CHCHD6: variants seen among roughly 807,000 people sequenced by gnomAD.
CHCHD6 encodes coiled-coil-helix-coiled-coil-helix domain containing 6.
CHCHD6 carries 28 observed loss-of-function variants against 32.3 expected under a neutral mutation model. The observed-to-expected ratio is 0.87, with a 90% CI of 0.64 to 1.19. The LOEUF (loss-of-function observed/expected upper bound fraction) is 1.19, where lower values mean the gene tolerates loss of function less well. Among genes scored for constraint, CHCHD6 ranks in the 50% most tolerant of loss-of-function variants. The probability of loss-of-function intolerance (pLI) is 0.00; values close to 1 mark genes in which losing one functional copy is unlikely to be tolerated. For missense variants in CHCHD6, 333 were observed against 307.0 expected, an observed-to-expected ratio of 1.08 and a Z score of -0.63; for synonymous variants, 122 against 117.5, an observed-to-expected ratio of 1.04 and a Z score of -0.25.
chr3:126,779,703 A>G (rs926750626), intron 4 of CHCHD6, among the ~76,000 whole-genome samples: 1 of 152,192 alleles, frequency 6.6e-6, no homozygotes, highest in Non-Finnish European at 1.5e-5. Context: ...TGTTGAAAAG[A>G]CTAGTCTTTC....
intron 5 of CHCHD6, among the ~76,000 whole-genome samples, chr3:126,873,164 G>A (rs1294472917): frequency 6.6e-6 from 1 of 152,224 alleles, no homozygotes. Flanking sequence ...CAAAGAATAA[G>A]TGGAGGCCAT....
At chr3:126,889,887 G>GCA (rs2077732202) in intron 5 of CHCHD6, among the ~76,000 whole-genome samples, 1 of 152,264 alleles carries the variant, frequency 6.6e-6, no homozygotes, top group Non-Finnish European at 1.5e-5. Flanking sequence ...GGAGATGTGA[G>GCA]GGTGGCCCCT....
At chr3:126,736,820 C>T (rs1023167893) in intron 4 of CHCHD6, among the ~76,000 whole-genome samples, 8 of 151,994 alleles carry the variant, frequency 5.3e-5, no homozygotes, top group Admixed American at 5.2e-4. Context: ...AGTAGGAGTC[C>T]AAATCAAACA....
At chr3:126,889,856 C>T (rs1186799705) in intron 5 of CHCHD6, among the ~76,000 whole-genome samples, 2 of 152,260 alleles carry the variant, frequency 1.3e-5, no homozygotes, top group African/African-American at 4.8e-5. Flanking sequence ...CTGACCAGGT[C>T]CGCAGAAAGC....
At chr3:126,935,446 CTGA>C (rs2078466011) in intron 6 of CHCHD6, among the ~76,000 whole-genome samples, 1 of 152,208 alleles carries the variant, frequency 6.6e-6, no homozygotes, top group Non-Finnish European at 1.5e-5. Context: ...AAGTCCCAGG[CTGA>C]TGTTCCATAG....
intron 6 of CHCHD6, among the ~76,000 whole-genome samples, chr3:126,927,481 G>T (rs1048742567): frequency 2.6e-5 from 4 of 152,194 alleles, no homozygotes; most frequent in African/African-American, 9.7e-5. Context: ...AAGGGGAAGG[G>T]CAGCCCCACT....
chr3:126,708,621 G>A (rs1934611301), intron 1 of CHCHD6, among the ~76,000 whole-genome samples: 1 of 146,198 alleles, frequency 6.8e-6, no homozygotes, highest in Non-Finnish European at 1.5e-5. Context: ...CCAGTGGTTC[G>A]AGTCCAGTGT....
At chr3:126,713,081 A>G (rs1436618169) in intron 1 of CHCHD6, among the ~76,000 whole-genome samples, 3 of 152,264 alleles carry the variant, frequency 2.0e-5, no homozygotes, top group East Asian at 1.9e-4. Flanking sequence ...TCAGGCCTAT[A>G]CTATCTTCCC....
intron 5 of CHCHD6, among the ~76,000 whole-genome samples, chr3:126,874,475 C>T (rs756411620): frequency 2.0e-5 from 3 of 152,094 alleles, no homozygotes; most frequent in Non-Finnish European, 2.9e-5. Context: ...GGATGGCACT[C>T]ATCAGGGCAG....
At chr3:126,955,167 T>G (rs2107609718) in intron 6 of CHCHD6, among the ~76,000 whole-genome samples, 1 of 152,352 alleles carries the variant, frequency 6.6e-6, no homozygotes, top group African/African-American at 2.4e-5. Flanking sequence ...CACACCCATG[T>G]CACAGTTCTT....
Position 126,815,652 on chromosome 3 carries a change from C to G in CHCHD6, c.412-36995C>G, listed in dbSNP as rs534564653. Among the ~76,000 whole-genome samples, 183 of 150,210 alleles carry G rather than the reference C, an allele frequency of 1.2e-3. No individual in the cohort carries two copies. In the East Asian group the frequency reaches 0.016, roughly 13 times the overall value. On this transcript the variant is annotated intron_variant, in intron 4 of 7. Transcript: ENST00000290913. ...GCTCCTGTGGGTTCTTGCCCCCCCC[C>G]CCCCATCTGTGTCCACAGCCCTTGC...
At chr3:126,777,180 T>C (rs2107679456) in intron 4 of CHCHD6, among the ~76,000 whole-genome samples, 1 of 152,320 alleles carries the variant, frequency 6.6e-6, no homozygotes, top group East Asian at 1.9e-4. Flanking sequence ...TTACCTGGTT[T>C]TCTATGTTTT....
chr3:126,736,557 C>T (rs1306683422), intron 4 of CHCHD6, among the ~76,000 whole-genome samples: 1 of 152,200 alleles, frequency 6.6e-6, no homozygotes, highest in Admixed American at 6.5e-5. Flanking sequence ...CCCTCTTCTG[C>T]GTAAGGGATT....
chr3:126,934,571 CTG>C (rs1342023251), intron 6 of CHCHD6, among the ~76,000 whole-genome samples: 1 of 94,806 alleles, frequency 1.1e-5, no homozygotes, highest in Admixed American at 1.7e-4. Context: ...TTTTTTGAGA[CTG>C]AGTCTCGCTC....
intron 4 of CHCHD6, among the ~76,000 whole-genome samples, chr3:126,745,055 G>A (rs1936436467): frequency 6.6e-6 from 1 of 152,116 alleles, no homozygotes; most frequent in African/African-American, 2.4e-5. Flanking sequence ...ATTTTATATG[G>A]GTGTGGGAGG....
chr3:126,730,508 T>G, intron 2 of CHCHD6, 53 bp from the exon 3 acceptor site: 1 of 1,515,606 alleles, frequency 6.6e-7, no homozygotes, highest in Non-Finnish European at 9.1e-7. Flanking sequence ...CCTCTGTGAC[T>G]TCGTGGACCC....
chr3:126,893,454 G>T (rs1016288418), intron 5 of CHCHD6, among the ~76,000 whole-genome samples: 2 of 152,172 alleles, frequency 1.3e-5, no homozygotes, highest in African/African-American at 4.8e-5. Flanking sequence ...CGGTGCTCTG[G>T]CCTCCTTGAA....
Position 126,771,285 on chromosome 3 carries a change from A to C in CHCHD6, c.411+38063A>C, listed in dbSNP as rs180893906. ...AGTGGCGCAATCTCGGCTCACTGCA[A>C]CCTCCGCCTCCCAGGTTCAGGCAAT... On this transcript the variant is annotated intron_variant, in intron 4 of 7. Transcript: ENST00000290913. 7.1e-3 allele frequency among the ~76,000 whole-genome samples: 1,068 copies of C among 149,820 alleles called. 11 individuals are homozygous for C. The highest frequency in any genetic ancestry group is 0.025 in the African/African-American group (1,005 of 40,754).
chr3:126,733,102 C>G lies in CHCHD6; in HGVS notation c.291C>G (p.Ile97Met). Residue 97 changes from isoleucine to methionine, a missense_variant, in exon 4 of 8, where the codon ATC becomes ATG. Transcript: ENST00000290913. ...VKRYEQEHAA[I>M]QDKLFQVAKR... ...GGTATGAACAGGAGCATGCTGCTATCCAGGATAAGCTCTTCCAGGTGGCAA... is the reference window on the plus strand; with the variant it reads ...GGTATGAACAGGAGCATGCTGCTATGCAGGATAAGCTCTTCCAGGTGGCAA... 2 of 1,614,216 alleles carry G rather than the reference C, an allele frequency of 1.2e-6. No individual in the cohort carries two copies. Among genetic ancestry groups the G allele is most frequent in the Non-Finnish European group, 1.7e-6 (2 of 1,180,032 alleles).
Sources: allele counts gnomAD v4.1 joint callset (sites outside exome capture counted in the v4.1 genomes callset), GRCh38; gene constraint gnomAD v4.1.1; transcripts MANE v1.5; gene names NCBI Gene and HGNC (gene_info 2026-07-23, HGNC 2026-07-21).